The following RAD51B variants were observed in gnomAD, a reference collection of about 807,000 sequenced individuals.
The protein encoded by RAD51B is DNA repair protein RAD51 homolog 2.
A neutral mutation model predicts 42.2 loss-of-function variants in RAD51B; 38 were observed. That is an observed-to-expected ratio of 0.90 (90% CI 0.70 to 1.18). The LOEUF is 1.18. Ranked by LOEUF, RAD51B falls within the 50% of genes most tolerant of loss-of-function variation. RAD51B has a pLI of 0.00. For missense variants in RAD51B, 373 were observed against 400.7 expected (o/e 0.93, Z 0.59); for synonymous variants, 154 against 145.2 (o/e 1.06, Z -0.43).
intron 9 of RAD51B, among the ~76,000 whole-genome samples, chr14:68,444,954 G>A (rs1440555137): frequency 6.6e-6 from 1 of 152,198 alleles, no homozygotes; most frequent in Non-Finnish European, 1.5e-5. Context: ...GTGCATTAGA[G>A]CCATGGCTTG....
At chr14:68,211,030 A>G (rs1407566688) in intron 7 of RAD51B, among the ~76,000 whole-genome samples, 5 of 152,164 alleles carry the variant, frequency 3.3e-5, no homozygotes, top group Admixed American at 2.0e-4. Context: ...GTCAAGCTTC[A>G]CTTAGTGTCA....
intron 7 of RAD51B, among the ~76,000 whole-genome samples, chr14:68,023,695 T>C (rs1280439626): frequency 6.6e-6 from 1 of 152,140 alleles, no homozygotes; most frequent in Non-Finnish European, 1.5e-5. Context: ...AATGGGGCTG[T>C]TTTTTGCTTG....
intron 7 of RAD51B, among the ~76,000 whole-genome samples, chr14:68,216,047 G>A (rs2079807876): frequency 6.6e-6 from 1 of 152,090 alleles, no homozygotes; most frequent in South Asian, 2.1e-4. Flanking sequence ...GCATTTATAA[G>A]GGCAATATGT....
rs535093206 is a variant in RAD51B at position 68,646,751 on chromosome 14, G to A, written c.1037-4030G>A. On this transcript the variant is annotated intron_variant, in intron 10 of 11. Transcript: ENST00000488612. Reference sequence around the variant, plus strand: ...ACTATATGGAGTGTCTTTGGAAATGGTGTTCAATGAGTTTCTAAATTATTT... The same window carrying A: ...ACTATATGGAGTGTCTTTGGAAATGATGTTCAATGAGTTTCTAAATTATTT... 5.9e-5 allele frequency among the ~76,000 whole-genome samples: 9 copies of A among 152,238 alleles called. No individual in the cohort carries two copies. In the South Asian group the frequency reaches 6.2e-4, roughly 11 times the overall value.
chr14:68,098,010 C>T (rs2077224005), intron 7 of RAD51B, among the ~76,000 whole-genome samples: 1 of 152,220 alleles, frequency 6.6e-6, no homozygotes, highest in Non-Finnish European at 1.5e-5. Context: ...GAGAACTCTA[C>T]TCACTTTGCC....
intron 7 of RAD51B, among the ~76,000 whole-genome samples, chr14:68,125,752 T>G (rs1032687014): frequency 4.8e-5 from 7 of 146,268 alleles, no homozygotes; most frequent in African/African-American, 2.0e-4. Flanking sequence ...TTGTTTTGTT[T>G]TGTTTTGTTT....
intron 1 of RAD51B, among the ~76,000 whole-genome samples, chr14:67,821,924 C>T (rs1160314820): frequency 6.6e-6 from 1 of 151,816 alleles, no homozygotes; most frequent in Non-Finnish European, 1.5e-5. Context: ...TAACAAATTC[C>T]CATGGAGAGA....
At chr14:68,238,563 C>G (rs528279674) in intron 7 of RAD51B, among the ~76,000 whole-genome samples, 70 of 152,274 alleles carry the variant, frequency 4.6e-4, no homozygotes, top group African/African-American at 1.5e-3. Context: ...CCTTGGCCTC[C>G]CAAAATGCTA....
chr14:68,650,891 GA>G, intron 11 of RAD51B: 1 of 726,860 alleles, frequency 1.4e-6, no homozygotes, highest in Non-Finnish European at 2.5e-6. Context: ...TCACAACAGG[GA>G]AAAGTAACCA....
intron 7 of RAD51B, among the ~76,000 whole-genome samples, chr14:68,030,979 G>A (rs751614629): frequency 6.6e-4 from 101 of 152,140 alleles, no homozygotes; most frequent in Non-Finnish European, 1.9e-4. Flanking sequence ...GTCAGAACTC[G>A]CACAACATTT....
At chr14:68,681,304 G>A (rs891054754) in intron 11 of RAD51B, among the ~76,000 whole-genome samples, 40 of 152,248 alleles carry the variant, frequency 2.6e-4, no homozygotes, top group Admixed American at 1.6e-3. Context: ...CCAAATCAGC[G>A]GAGAGTCAGA....
intron 7 of RAD51B, among the ~76,000 whole-genome samples, chr14:68,255,227 G>C (rs564512865): frequency 4.6e-5 from 7 of 151,298 alleles, no homozygotes; most frequent in Admixed American, 2.0e-4. Context: ...TTTTCTCTTT[G>C]TGGTCTAAGA....
chr14:68,640,584 A>G (rs1892439720), intron 10 of RAD51B, among the ~76,000 whole-genome samples: 1 of 152,220 alleles, frequency 6.6e-6, no homozygotes. Context: ...CTGAAGACAC[A>G]GAAGAAGCAC....
intron 7 of RAD51B, among the ~76,000 whole-genome samples, chr14:67,945,136 A>G (rs1466939792): frequency 6.6e-6 from 1 of 152,224 alleles, no homozygotes; most frequent in East Asian, 1.9e-4. Flanking sequence ...AAATCTGGCT[A>G]TACTATAATG....
At chr14:68,483,757 T>G (rs1883387230) in intron 10 of RAD51B, among the ~76,000 whole-genome samples, 1 of 152,190 alleles carries the variant, frequency 6.6e-6, no homozygotes, top group Non-Finnish European at 1.5e-5. Context: ...GCTGCCTCCA[T>G]GTGTTTTCAG....
chr14:68,235,699 G>C (rs2080237831), intron 7 of RAD51B, among the ~76,000 whole-genome samples: 1 of 84,298 alleles, frequency 1.2e-5, no homozygotes, highest in Admixed American at 2.0e-4. Flanking sequence ...GCGAGACTCC[G>C]TCTCAAAAAA....
intron 7 of RAD51B, among the ~76,000 whole-genome samples, chr14:67,919,627 C>T (rs548915528): frequency 1.3e-5 from 2 of 152,296 alleles, no homozygotes; most frequent in Middle Eastern, 3.4e-3. Flanking sequence ...ATAAACCAGA[C>T]TCATGAACCA....
At chr14:68,008,177 C>T (rs1427284012) in intron 7 of RAD51B, among the ~76,000 whole-genome samples, 1 of 151,826 alleles carries the variant, frequency 6.6e-6, no homozygotes, top group East Asian at 1.9e-4. Flanking sequence ...ATATAGATTA[C>T]ATACAGTGAT....
rs114468873 is a variant in RAD51B, at chr14:67,938,118, C to T, written c.756+50914C>T. On this transcript the variant is annotated intron_variant, in intron 7 of 10. Coordinates refer to ENST00000471583, the MANE Select transcript of RAD51B (RefSeq NM_133510.4). ...TCAGTTTTTAAATTTTCATTTTTTA[C>T]AGTGTGAGAACTAATTCCAGACTAA... Among the ~76,000 whole-genome samples, 1,348 of 152,280 alleles carry T rather than the reference C, an allele frequency of 8.9e-3. 21 individuals carry two copies. Among genetic ancestry groups the T allele is most frequent in the African/African-American group, 0.031 (1,269 of 41,560 alleles).
Sources: allele counts gnomAD v4.1 joint callset (sites outside exome capture counted in the v4.1 genomes callset), GRCh38; gene constraint gnomAD v4.1.1; transcripts MANE v1.5; gene names NCBI Gene and HGNC (gene_info 2026-07-23, HGNC 2026-07-21).